The following CYP4F11 variants were observed in gnomAD, a reference collection of about 807,000 sequenced individuals.
CYP4F11 encodes the protein cytochrome P450 4F11.
A neutral mutation model predicts 62.2 loss-of-function variants in CYP4F11; 79 were observed. The ratio of observed to expected loss-of-function variants is 1.27; its 90% confidence interval spans 1.06 to 1.53. The LOEUF (loss-of-function observed/expected upper bound fraction) is 1.53. Among genes scored for constraint, CYP4F11 ranks in the 40% most tolerant of loss-of-function variants. CYP4F11 has a pLI of 0.00. For synonymous variants in CYP4F11, 290 were observed against 263.7 expected, an observed-to-expected ratio of 1.10 and a Z score of -0.97; for missense variants, 777 against 680.5, an observed-to-expected ratio of 1.14 and a Z score of -1.58.
At chr19:15,920,225 AAAAC>A (rs2145042817) in intron 8 of CYP4F11, among the ~76,000 whole-genome samples, 1 of 152,362 alleles carries the variant, frequency 6.6e-6, no homozygotes, top group East Asian at 1.9e-4. Flanking sequence ...GACAAATTAA[AAAAC>A]AAACTCATTT....
rs2089537106 is a variant in CYP4F11, at chr19:15,912,478, C to T, written c.*1254G>A. The T allele has an allele frequency of 6.6e-6, 1 of 151,488 alleles. No homozygotes were observed. The highest frequency in any genetic ancestry group is 1.5e-5 in the Non-Finnish European group (1 of 67,912). The allele number at this position is 151,488 out of a possible 1,614,324, so 9.4% of individuals were successfully genotyped here. ...GAGATCAGAATCAAGGCCAGAGTAACCGAGTGTAGCAAGGGAAGGAGATCA... is the reference window on the plus strand; with the variant it reads ...GAGATCAGAATCAAGGCCAGAGTAATCGAGTGTAGCAAGGGAAGGAGATCA... On this transcript the variant is annotated 3_prime_UTR_variant, in exon 12 of 12. Coordinates refer to ENST00000402119, the MANE Select transcript of CYP4F11 (RefSeq NM_021187.4).
rs1403548008 is a variant in CYP4F11 at position 15,912,632 on chromosome 19, C to T, written c.*1100G>A. The T allele has an allele frequency of 7.0e-6, 1 of 143,136 alleles. No individual in the cohort carries two copies. The highest frequency in any genetic ancestry group is 2.6e-5 in the African/African-American group (1 of 38,404). 8.9% of individuals were successfully genotyped at this position (143,136 alleles called of 1,614,324 possible). A position where few individuals can be genotyped will look rare whatever the true frequency, so the allele number is the denominator to read the frequency against. On this transcript the variant is annotated 3_prime_UTR_variant, in exon 12 of 12. Transcript: ENST00000402119. ...GACTGAGGTTTCTCTCATTCTCCTACCACCTCACACAGTCAGGTACCTTCA... is the reference window on the plus strand; with the variant it reads ...GACTGAGGTTTCTCTCATTCTCCTATCACCTCACACAGTCAGGTACCTTCA...
At chr19:15,934,573 CA>C, upstream of CYP4F11, 1 of 774,808 alleles carries the variant, frequency 1.3e-6, no homozygotes, top group South Asian at 2.3e-5. Flanking sequence ...CAGAAATGCC[CA>C]ATGAAAACCA....
rs774342613 is a variant in CYP4F11, at chr19:15,923,886, C to T, written c.844G>A (p.Gly282Ser). 1.7e-5 allele frequency: 27 copies of T among 1,613,980 alleles called. No individual in the cohort carries two copies. Among genetic ancestry groups the T allele is most frequent in the Admixed American group, 3.3e-5 (2 of 59,974 alleles). ...QERRCTLPTQ[G>S]IDDFLKNKAK... ...TTGTTCTTGAGGAAATCATCAATAC[C>T]CTGAGTGGGGAGGGTGCAGCGCCGC... The change falls in exon 6 of 12, where the codon GGT becomes AGT. Residue 282 changes from glycine to serine, a missense_variant. Gly to Ser is a moderately conservative substitution (Grantham distance 56, BLOSUM62 0). Coordinates refer to ENST00000402119, the MANE Select transcript of CYP4F11 (RefSeq NM_021187.4).
intron 8 of CYP4F11, among the ~76,000 whole-genome samples, chr19:15,916,631 T>C (rs2089585238): frequency 6.6e-6 from 1 of 152,100 alleles, no homozygotes; most frequent in Non-Finnish European, 1.5e-5. Flanking sequence ...GAATAGGCAT[T>C]TCTCAAAAGA....
intron 8 of CYP4F11, 64 bp from the exon 9 acceptor site, chr19:15,914,959 T>G (rs558822665): frequency 2.5e-6 from 4 of 1,582,334 alleles, no homozygotes; most frequent in East Asian, 4.6e-5. Flanking sequence ...CCAGCTTCTC[T>G]GTTTCCAAGC....
rs2089536191 is a variant in CYP4F11 at position 15,912,385 on chromosome 19, G to A, written c.*1347C>T. 1.3e-5 allele frequency: 2 copies of A among 151,976 alleles called. No homozygotes were observed. The highest frequency in any genetic ancestry group is 6.6e-5 in the Admixed American group (1 of 15,246). The allele number at this position is 151,976 out of a possible 1,614,324, so 9.4% of individuals were successfully genotyped here. A position where few individuals can be genotyped will look rare whatever the true frequency, so the allele number is the denominator to read the frequency against. On this transcript the variant is annotated 3_prime_UTR_variant, in exon 12 of 12. Coordinates refer to ENST00000402119, the MANE Select transcript of CYP4F11 (RefSeq NM_021187.4). ...CAAAAAATAGATCCAAATAAATATA[G>A]GCAACTTATATTTGATAAAGGTGCA...
In CYP4F11 at chr19:15,916,640, G is replaced by T. The variant is rs1033636140; in HGVS notation, c.1116-1745C>A. Among the ~76,000 whole-genome samples the T allele has an allele frequency of 5.3e-5, 8 of 152,142 alleles. No individual in the cohort carries two copies. In the South Asian group the frequency reaches 1.0e-3, roughly 20 times the overall value. On this transcript the variant is annotated intron_variant, in intron 8 of 11. Coordinates refer to ENST00000402119, the MANE Select transcript of CYP4F11 (RefSeq NM_021187.4). ...AGACATGAATAGGCATTTCTCAAAA[G>T]AAAATGTACAAACGGTGAACAAACA...
In CYP4F11 at chr19:15,913,664, C is replaced by A; in HGVS notation, c.*68G>T. ...AGCCCCATGCTGGCTGTCAACGAGG[C>A]TCAAGCAGAGGTGTCAGCATAGTTT... On this transcript the variant is annotated 3_prime_UTR_variant, in exon 12 of 12. Transcript: ENST00000402119. The A allele has an allele frequency of 1.3e-6, 2 of 1,594,986 alleles. No homozygotes were observed. The highest frequency in any genetic ancestry group is 1.7e-6 in the Non-Finnish European group (2 of 1,166,522).
At chr19:15,922,891 TA>T (rs11451979) in intron 6 of CYP4F11, among the ~76,000 whole-genome samples, 21 of 149,820 alleles carry the variant, frequency 1.4e-4, no homozygotes, top group African/African-American at 3.0e-4. Flanking sequence ...CCGTCCCTAC[TA>T]AAAAAAAAAT....
At position 15,914,699 on chromosome 19, in the gene CYP4F11, C is replaced by G. The variant is rs150118221; in HGVS notation, c.1250-33G>C. 3.1e-6 allele frequency: 5 copies of G among 1,613,844 alleles called. No individual in the cohort carries two copies. In the South Asian group the frequency reaches 4.4e-5, roughly 14 times the overall value. On this transcript the variant is annotated intron_variant, in intron 9 of 11. Transcript: ENST00000402119. ...AGAGAAGAGGGCAGTCAGGACAAGG[C>G]CCCCCTGCCTGAGGGACCCCTCTTG...
At chr19:15,925,198 T>C (rs888634950) in intron 4 of CYP4F11, among the ~76,000 whole-genome samples, 1 of 152,154 alleles carries the variant, frequency 6.6e-6, no homozygotes, top group African/African-American at 2.4e-5. Context: ...CAACATGCTT[T>C]GGGGCCAGAT....
rs543150390 is a variant in CYP4F11 at position 15,934,139 on chromosome 19, T to C, written c.198+72A>G. 3.3e-6 allele frequency: 5 copies of C among 1,537,036 alleles called. No individual in the cohort carries two copies. In the African/African-American group the frequency reaches 7.5e-5, roughly 23 times the overall value. On this transcript the variant is annotated intron_variant, in intron 1 of 11. Transcript: ENST00000402119. ...CAGCCACCCTCAAAACCCAGCTCCCTGAGCCCCATTCCTGCCCCTCAGGAA... is the reference window on the plus strand; with the variant it reads ...CAGCCACCCTCAAAACCCAGCTCCCCGAGCCCCATTCCTGCCCCTCAGGAA...
At chr19:15,931,295 C>T (rs1302779779) in intron 1 of CYP4F11, among the ~76,000 whole-genome samples, 1 of 151,802 alleles carries the variant, frequency 6.6e-6, no homozygotes, top group Non-Finnish European at 1.5e-5. Flanking sequence ...GATGGGCAGA[C>T]ACAAGCAAAT....
rs765039646 is a variant in CYP4F11 at position 15,924,849 on chromosome 19, C to A, written c.559G>T (p.Ala187Ser). Residue 187 changes from alanine (A) to serine (S), a missense_variant, in exon 5 of 12, where the codon GCC becomes TCC. Transcript: ENST00000402119. The part of the protein sequence containing the change: ...KWQRLASEGS[A>S]RLDMFEHISL... The stretch of plus-strand genomic sequence containing the variant: ...ATGTGTTCAAACATGTCCAGTCTGG[C>A]GCTGCCCTCTGAGGCCAGGCGCTGC... 1 of 1,612,556 alleles carries A rather than the reference C, an allele frequency of 6.2e-7. No individual in the cohort carries two copies. Among genetic ancestry groups the A allele is most frequent in the Non-Finnish European group, 8.5e-7 (1 of 1,179,052 alleles).
chr19:15,919,665 A>G (rs2089611256), intron 8 of CYP4F11, among the ~76,000 whole-genome samples: 1 of 151,888 alleles, frequency 6.6e-6, no homozygotes, highest in Admixed American at 6.6e-5. Flanking sequence ...GTCCAAGAAG[A>G]ATCTGTTCTC....
chr19:15,912,755 G>GTGTGTGTATATATGTATATA lies in CYP4F11; in HGVS notation c.*976_*977insTATATACATATATACACACA, dbSNP rs2089545474. ...TGTGTATATGTATATATGTGTGTGT[G>GTGTGTGTATATATGTATATA]TGTGTGTGTGTGTGTGTATATATAT... is the stretch of plus-strand genomic sequence containing the variant. On this transcript the variant is annotated 3_prime_UTR_variant, in exon 12 of 12. Coordinates refer to ENST00000402119, the MANE Select transcript of CYP4F11 (RefSeq NM_021187.4). 1 of 17,100 alleles carries GTGTGTGTATATATGTATATA rather than the reference G, an allele frequency of 5.8e-5. No homozygotes were observed. Among genetic ancestry groups the GTGTGTGTATATATGTATATA allele is most frequent in the Non-Finnish European group, 1.4e-4 (1 of 7,368 alleles). 1.1% of individuals were successfully genotyped at this position (17,100 alleles called of 1,614,324 possible).
chr19:15,919,517 TAGATAGAC>T (rs1020402193), intron 8 of CYP4F11, among the ~76,000 whole-genome samples: 5 of 133,770 alleles, frequency 3.7e-5, no homozygotes, highest in South Asian at 2.7e-4. Context: ...GATAGATAGA[TAGATAGAC>T]AGATAGATAA....
Position 15,913,508 on chromosome 19 carries a change from CTCTGGGAGAA to C in CYP4F11, c.*214_*223del. 1.7e-6 allele frequency: 1 copy of C among 579,868 alleles called. No homozygotes were observed. Among genetic ancestry groups the C allele is most frequent in the African/African-American group, 1.9e-5 (1 of 53,276 alleles). 35.9% of individuals were successfully genotyped at this position (579,868 alleles called of 1,614,324 possible). A position where few individuals can be genotyped will look rare whatever the true frequency, so the allele number is the denominator to read the frequency against. ...CCACAGGATAAAGTTTTTACTTGGG[CTCTGGGAGAA>C]CCCACTAAGGGCCTAGATGCCCTGT... On this transcript the variant is annotated 3_prime_UTR_variant, in exon 12 of 12. Transcript: ENST00000402119.
Sources: gnomAD v4.1 joint callset for allele counts (sites outside exome capture counted in the v4.1 genomes callset) on GRCh38, gnomAD v4.1.1 for gene constraint, MANE v1.5 for transcripts, NCBI Gene and HGNC (gene_info 2026-07-23, HGNC 2026-07-21) for gene names.